The following SLC28A3 variants were observed in gnomAD, a reference collection of about 807,000 sequenced individuals.
The protein encoded by SLC28A3 is solute carrier family 28 member 3, also known as concentrative Na(+)-nucleoside cotransporter 3.
SLC28A3 carries 68 observed loss-of-function variants against 84.2 expected under a neutral mutation model. The ratio of observed to expected loss-of-function variants is 0.81; its 90% CI spans 0.66 to 0.99. SLC28A3 has a LOEUF of 0.99. Ranked by LOEUF, SLC28A3 falls within the 50% of genes least tolerant of loss-of-function variation. The probability of loss-of-function intolerance (pLI) is 0.00; values close to 1 mark genes in which losing one functional copy is unlikely to be tolerated. For missense variants in SLC28A3, 712 were observed against 841.5 expected, an observed-to-expected ratio of 0.85 and a Z score of 1.90; for synonymous variants, 267 against 303.6, an observed-to-expected ratio of 0.88 and a Z score of 1.25.
upstream of SLC28A3, among the ~76,000 whole-genome samples, chr9:84,344,333 C>T (rs556332572): frequency 1.9e-4 from 29 of 151,820 alleles, no homozygotes; most frequent in African/African-American, 6.8e-4. Context: ...AGACTACAGG[C>T]GTGTGCCACC....
the SLC28A3 span, among the ~76,000 whole-genome samples, chr9:84,347,185 A>C: frequency 6.9e-6 from 1 of 145,474 alleles, no homozygotes; most frequent in Non-Finnish European, 1.5e-5. Flanking sequence ...TAGCCTGGGC[A>C]ACAGAGCAAG....
chr9:84,308,059 A>G (rs1338499469), intron 3 of SLC28A3, among the ~76,000 whole-genome samples: 1 of 152,204 alleles, frequency 6.6e-6, no homozygotes, highest in Non-Finnish European at 1.5e-5. Context: ...AAGAGCTGCC[A>G]ACCCTAATTC....
At chr9:84,337,151 T>G (rs1356398872) in intron 1 of SLC28A3, among the ~76,000 whole-genome samples, 1 of 152,174 alleles carries the variant, frequency 6.6e-6, no homozygotes, top group Non-Finnish European at 1.5e-5. Flanking sequence ...AAGAATACAA[T>G]GCACTTGGTG....
At chr9:84,293,893 A>G (rs1186646104) in intron 9 of SLC28A3, among the ~76,000 whole-genome samples, 1 of 152,208 alleles carries the variant, frequency 6.6e-6, no homozygotes, top group Non-Finnish European at 1.5e-5. Flanking sequence ...ATGAAGGAAT[A>G]ACATCATTTC....
intron 1 of SLC28A3, among the ~76,000 whole-genome samples, chr9:84,337,640 G>C (rs1455369719): frequency 6.6e-6 from 1 of 152,006 alleles, no homozygotes; most frequent in East Asian, 1.9e-4. Context: ...CCACATACAC[G>C]CAATACTTTA....
upstream of SLC28A3, among the ~76,000 whole-genome samples, chr9:84,343,075 A>T (rs911892677): frequency 1.3e-5 from 2 of 152,008 alleles, no homozygotes; most frequent in Non-Finnish European, 2.9e-5. Flanking sequence ...TGGCAGGAGA[A>T]TTGCTTGAAC....
At chr9:84,330,998 G>A (rs1826761856) in intron 1 of SLC28A3, among the ~76,000 whole-genome samples, 1 of 152,098 alleles carries the variant, frequency 6.6e-6, no homozygotes, top group African/African-American at 2.4e-5. Context: ...CAACACTGAT[G>A]AGTAAGTGGC....
chr9:84,337,949 A>G (rs1049291366), intron 1 of SLC28A3, among the ~76,000 whole-genome samples: 9 of 152,166 alleles, frequency 5.9e-5, no homozygotes, highest in African/African-American at 2.2e-4. Context: ...AACCTTTCCC[A>G]CTGGAGTACT....
upstream of SLC28A3, among the ~76,000 whole-genome samples, chr9:84,344,356 T>A (rs541462473): frequency 6.6e-6 from 1 of 151,810 alleles, no homozygotes; most frequent in Non-Finnish European, 1.5e-5. Context: ...GCCTGGCTAA[T>A]TTTTACATTT....
chr9:84,344,165 C>A (rs1827212875), upstream of SLC28A3, among the ~76,000 whole-genome samples: 1 of 146,910 alleles, frequency 6.8e-6, no homozygotes, highest in Non-Finnish European at 1.5e-5. Flanking sequence ...CCCTACAAAT[C>A]ATAAATTCTC....
intron 1 of SLC28A3, among the ~76,000 whole-genome samples, chr9:84,333,727 C>A (rs539641412): frequency 5.3e-5 from 8 of 152,206 alleles, no homozygotes; most frequent in Non-Finnish European, 7.4e-5. Flanking sequence ...CTTAGGAAAC[C>A]AATCTGACAC....
At chr9:84,323,243 T>G (rs1312600239) in intron 1 of SLC28A3, among the ~76,000 whole-genome samples, 1 of 152,212 alleles carries the variant, frequency 6.6e-6, no homozygotes, top group Non-Finnish European at 1.5e-5. Flanking sequence ...GTACATTACC[T>G]GAATTTCCCA....
intron 4 of SLC28A3, among the ~76,000 whole-genome samples, chr9:84,303,111 C>T (rs1236070490): frequency 6.6e-6 from 1 of 152,094 alleles, no homozygotes; most frequent in Non-Finnish European, 1.5e-5. Flanking sequence ...AAGGGGATCC[C>T]AGAAAAACCT....
At chr9:84,363,323 TAAGTC>T in the SLC28A3 span, among the ~76,000 whole-genome samples, 1 of 152,162 alleles carries the variant, frequency 6.6e-6, no homozygotes, top group East Asian at 1.9e-4. Flanking sequence ...GAGAAATCAA[TAAGTC>T]AAGGCAGGAA....
chr9:84,356,963 A>AT, the SLC28A3 span, among the ~76,000 whole-genome samples: 12 of 152,164 alleles, frequency 7.9e-5, no homozygotes, highest in Admixed American at 2.0e-4. Context: ...GATAAATACA[A>AT]TTTTTTCATT....
At chr9:84,317,930 T>G (rs1826229450) in intron 1 of SLC28A3, among the ~76,000 whole-genome samples, 1 of 152,218 alleles carries the variant, frequency 6.6e-6, no homozygotes, top group Admixed American at 6.5e-5. Flanking sequence ...CAAAATTGTT[T>G]GGGATCATAC....
upstream of SLC28A3, chr9:84,340,796 G>C: frequency 1.6e-6 from 1 of 629,936 alleles, no homozygotes; most frequent in Non-Finnish European, 2.7e-6. Context: ...GACTAGGGCT[G>C]ACACCTGGTT....
At chr9:84,366,468 G>T in the SLC28A3 span, among the ~76,000 whole-genome samples, 1 of 152,106 alleles carries the variant, frequency 6.6e-6, no homozygotes, top group Non-Finnish European at 1.5e-5. Context: ...TGGTGTCTGG[G>T]CATTGAAGAG....
the SLC28A3 span, among the ~76,000 whole-genome samples, chr9:84,357,894 G>A: frequency 6.6e-6 from 1 of 152,106 alleles, no homozygotes; most frequent in Non-Finnish European, 1.5e-5. Context: ...AGGAACAAAA[G>A]GCAGGTCTAG....
Sources: allele counts gnomAD v4.1 joint callset (sites outside exome capture counted in the v4.1 genomes callset), GRCh38; gene constraint gnomAD v4.1.1; transcripts MANE v1.5; gene names NCBI Gene and HGNC (gene_info 2026-07-23, HGNC 2026-07-21).